The following ZNF410 variants were observed in gnomAD, a reference collection of about 807,000 sequenced individuals.
The protein encoded by ZNF410 is another partner for ARF 1.
Under a neutral mutation model 54.8 loss-of-function variants are expected in ZNF410, and 18 were observed. The observed-to-expected ratio is 0.33, with a 90% CI of 0.23 to 0.49. ZNF410 has a LOEUF of 0.49. Ranked by LOEUF, ZNF410 falls within the 20% of genes least tolerant of loss-of-function variation. ZNF410 has a pLI of 0.99. For synonymous variants in ZNF410, 191 were observed against 207.3 expected, an observed-to-expected ratio of 0.92 and a Z score of 0.68; for missense variants, 405 against 569.6, an observed-to-expected ratio of 0.71 and a Z score of 2.94.
rs1322750179 is a variant in ZNF410, at chr14:73,905,942, T to TACACACAC, written c.913+860_913+861insCACACACA. Among the ~76,000 whole-genome samples, 732 of 89,380 alleles carry TACACACAC rather than the reference T, an allele frequency of 8.2e-3. 11 individuals carry two copies. The highest frequency in any genetic ancestry group is 0.043 in the African/African-American group (694 of 16,144). The allele number at this position is 89,380 out of a possible 152,430, so 58.6% of individuals were successfully genotyped here. On this transcript the variant is annotated intron_variant, in intron 7 of 11. Transcript: ENST00000555044. ...ATATATATACACATACATACATATATATACACACACACACACACACACACA... is the reference window on the plus strand; with the variant it reads ...ATATATATACACATACATACATATATACACACACATACACACACACACACACACACACA...
intron 8 of ZNF410, among the ~76,000 whole-genome samples, chr14:73,917,872 A>G (rs2055691561): frequency 6.6e-6 from 1 of 152,086 alleles, no homozygotes; most frequent in South Asian, 2.1e-4. Context: ...TAGTAGTAAT[A>G]TAATTATCCC....
chr14:73,926,565 G>T (rs976890591), intron 11 of ZNF410, among the ~76,000 whole-genome samples: 1 of 151,906 alleles, frequency 6.6e-6, no homozygotes, highest in African/African-American at 2.4e-5. Flanking sequence ...CTCCCAATTA[G>T]CTGGGATTAC....
chr14:73,924,271 A>G (rs2055796594), intron 11 of ZNF410, among the ~76,000 whole-genome samples: 1 of 152,158 alleles, frequency 6.6e-6, no homozygotes, highest in Non-Finnish European at 1.5e-5. Flanking sequence ...TTGCGCTCCT[A>G]TGAGAATCTG....
At chr14:73,889,326 A>G (rs2055187750) in intron 1 of ZNF410, among the ~76,000 whole-genome samples, 1 of 151,254 alleles carries the variant, frequency 6.6e-6, no homozygotes, top group Non-Finnish European at 1.5e-5. Flanking sequence ...GGCATGTGCC[A>G]CCATGTGATG....
intron 1 of ZNF410, among the ~76,000 whole-genome samples, chr14:73,891,103 T>A (rs75908946): frequency 6.8e-6 from 1 of 146,888 alleles, no homozygotes; most frequent in East Asian, 2.0e-4. Flanking sequence ...TTTTTTTTTT[T>A]AAATGTAATT....
chr14:73,931,718 T>C lies in ZNF410; in HGVS notation c.*177T>C, dbSNP rs1202587465. On this transcript the variant is annotated 3_prime_UTR_variant, in exon 12 of 12. Coordinates refer to ENST00000555044, the MANE Select transcript of ZNF410 (RefSeq NM_021188.3). ...GATGGATGTAGGAGAGCTTCTTTTC[T>C]AACTACCATCTGATCAGACAAGGAA... 2 of 625,970 alleles carry C rather than the reference T, an allele frequency of 3.2e-6. No individual in the cohort carries two copies. The highest frequency in any genetic ancestry group is 6.0e-5 in the East Asian group (2 of 33,220). The allele number at this position is 625,970 out of a possible 1,614,324, so 38.8% of individuals were successfully genotyped here.
intron 8 of ZNF410, 84 bp downstream of exon 8, chr14:73,909,514 A>G (rs2055543656): frequency 9.1e-7 from 1 of 1,094,774 alleles, no homozygotes; most frequent in Admixed American, 2.1e-5. Context: ...AAAGACAACT[A>G]AAAAGAAACA....
chr14:73,919,471 T>TA (rs1469900696), intron 8 of ZNF410, among the ~76,000 whole-genome samples: 1 of 152,184 alleles, frequency 6.6e-6, no homozygotes, highest in African/African-American at 2.4e-5. Flanking sequence ...CCCCAGTGTT[T>TA]ATTGTTCCCA....
rs566005411 is a variant in ZNF410 at position 73,926,911 on chromosome 14, T to C, written c.1398+3389T>C. On this transcript the variant is annotated intron_variant, in intron 11 of 11. Transcript: ENST00000555044. The stretch of plus-strand genomic sequence containing the variant: ...GGCAAGAATATTTCATAAATGGTGC[T>C]CTTGCTTCCTATTACATCTCATCAG... Among the ~76,000 whole-genome samples the C allele has an allele frequency of 3.3e-5, 5 of 152,334 alleles. No homozygotes were observed. The South Asian group carries it at 1.0e-3, about 32-fold the overall frequency.
Position 73,892,073 on chromosome 14 carries a change from A to C in ZNF410, c.-103A>C. ...GTACAACATCTTACGGGAAGAGCAT[A>C]GTATTTCCTAGAGGAATATGAACAT... On this transcript the variant is annotated 5_prime_UTR_variant, in exon 2 of 12. Transcript: ENST00000555044. 1 of 1,243,450 alleles carries C rather than the reference A, an allele frequency of 8.0e-7. No individual in the cohort carries two copies. Among genetic ancestry groups the C allele is most frequent in the Non-Finnish European group, 1.2e-6 (1 of 842,040 alleles). The allele number at this position is 1,243,450 out of a possible 1,614,324, so 77.0% of individuals were successfully genotyped here. A position where few individuals can be genotyped will look rare whatever the true frequency, so the allele number is the denominator to read the frequency against.
chr14:73,923,567 G>C (rs1206589726), intron 11 of ZNF410, 45 bp downstream of exon 11: 2 of 1,577,988 alleles, frequency 1.3e-6, no homozygotes, highest in Admixed American at 3.6e-5. Context: ...ATTCATGTGG[G>C]GAATGATTGA....
chr14:73,901,420 ATTTT>A (rs369316873), intron 5 of ZNF410, among the ~76,000 whole-genome samples: 1 of 138,166 alleles, frequency 7.2e-6, no homozygotes, highest in African/African-American at 2.7e-5. Flanking sequence ...TTTCTGAGGG[ATTTT>A]TTTTTTTTTT....
intron 7 of ZNF410, 27 bp downstream of exon 7, chr14:73,905,110 G>A: frequency 6.2e-7 from 1 of 1,603,692 alleles, no homozygotes; most frequent in Non-Finnish European, 8.5e-7. Context: ...CATTCCTTTG[G>A]GCAGTCTGCT....
intron 11 of ZNF410, chr14:73,927,105 A>G: frequency 8.0e-6 from 1 of 125,484 alleles, no homozygotes; most frequent in Non-Finnish European, 1.7e-5. Flanking sequence ...TTTTTTTTTG[A>G]GGTGGAGTCT....
intron 7 of ZNF410, among the ~76,000 whole-genome samples, chr14:73,905,968 C>CACATATATATATATATAT (rs1461702433): frequency 1.3e-5 from 1 of 78,944 alleles, no homozygotes; most frequent in Admixed American, 1.1e-4. Context: ...CACACACACA[C>CACATATATATATATATAT]ATATATATAT....
In ZNF410 at chr14:73,922,216, C is replaced by T; in HGVS notation, c.1270+10C>T. The T allele has an allele frequency of 8.1e-6, 13 of 1,611,434 alleles. No homozygotes were observed. Among genetic ancestry groups the T allele is most frequent in the Non-Finnish European group, 1.1e-5 (13 of 1,178,644 alleles). ...CTGGGAGTTGATGATGGTAAGACTT[C>T]CAACTCTCCTTTATTTGGGAAAAAT... On this transcript the variant is annotated intron_variant, in intron 10 of 11. Transcript: ENST00000555044.
At chr14:73,904,576 A>G (rs980214299) in intron 6 of ZNF410, among the ~76,000 whole-genome samples, 1 of 151,918 alleles carries the variant, frequency 6.6e-6, no homozygotes. Context: ...TCATCTTCCT[A>G]CCTCAGCCTC....
chr14:73,917,964 T>C (rs1303572869), intron 8 of ZNF410, among the ~76,000 whole-genome samples: 1 of 152,152 alleles, frequency 6.6e-6, no homozygotes, highest in African/African-American at 2.4e-5. Flanking sequence ...TAAAATGGCA[T>C]GGTATTTGCA....
chr14:73,908,429 A>G (rs1355656448), intron 7 of ZNF410, among the ~76,000 whole-genome samples: 1 of 152,048 alleles, frequency 6.6e-6, no homozygotes. Context: ...CATTCTTTCA[A>G]TAACTTTTTG....
Sources: allele counts gnomAD v4.1 joint callset (sites outside exome capture counted in the v4.1 genomes callset), GRCh38; gene constraint gnomAD v4.1.1; transcripts MANE v1.5; gene names NCBI Gene and HGNC (gene_info 2026-07-23, HGNC 2026-07-21).